Variants in ITSN2 observed in about 807,000 individuals in gnomAD.
ITSN2 encodes the protein intersectin-2.
A neutral mutation model predicts 243.7 loss-of-function variants in ITSN2; 156 were observed. That is an observed-to-expected ratio of 0.64 (90% CI 0.56 to 0.73). The LOEUF is 0.73. Among genes scored for constraint, ITSN2 ranks in the 30% least tolerant of loss-of-function variants. The pLI is 0.00. For synonymous variants in ITSN2, 703 were observed against 699.9 expected (o/e 1.00, Z -0.07); for missense variants, 1,801 against 1,996.1 (o/e 0.90, Z 1.86).
intron 17 of ITSN2, among the ~76,000 whole-genome samples, chr2:24,278,609 T>A (rs1678332728): frequency 6.9e-6 from 1 of 145,570 alleles, no homozygotes; most frequent in East Asian, 2.1e-4. Context: ...AAGAAAAAAA[T>A]AAACCAATCA....
intron 1 of ITSN2, among the ~76,000 whole-genome samples, chr2:24,345,030 TCAC>T (rs1344163028): frequency 6.6e-6 from 1 of 152,210 alleles, no homozygotes; most frequent in East Asian, 1.9e-4. Flanking sequence ...CTAAATATTA[TCAC>T]CTCAACATAT....
At chr2:24,262,139 T>G (rs1368801162) in intron 20 of ITSN2, among the ~76,000 whole-genome samples, 1 of 152,208 alleles carries the variant, frequency 6.6e-6, no homozygotes, top group African/African-American at 2.4e-5. Context: ...TTTTCAATTT[T>G]AGACATTACT....
intron 2 of ITSN2, among the ~76,000 whole-genome samples, chr2:24,316,350 G>A (rs1053432771): frequency 9.2e-5 from 14 of 152,070 alleles, no homozygotes; most frequent in Non-Finnish European, 1.6e-4. Context: ...GAGTGATCTC[G>A]GCTCACTGCA....
intron 4 of ITSN2, 134 bp from the exon 5 acceptor site, chr2:24,312,509 A>G: frequency 1.9e-6 from 1 of 513,406 alleles, no homozygotes; most frequent in Non-Finnish European, 3.4e-6. Flanking sequence ...TAAAATATCT[A>G]ACATGTAAAA....
intron 1 of ITSN2, among the ~76,000 whole-genome samples, chr2:24,330,224 T>C (rs1020657267): frequency 2.6e-5 from 4 of 152,206 alleles, no homozygotes; most frequent in African/African-American, 9.7e-5. Flanking sequence ...GTCTAAAACT[T>C]ACAAATCATC....
chr2:24,291,727 A>T (rs1159606472), intron 15 of ITSN2, among the ~76,000 whole-genome samples: 1 of 152,062 alleles, frequency 6.6e-6, no homozygotes, highest in East Asian at 1.9e-4. Flanking sequence ...TGACCTCGTG[A>T]TCCGCCTGCC....
intron 34 of ITSN2, 59 bp from the exon 35 acceptor site, chr2:24,210,092 G>A: frequency 7.9e-7 from 1 of 1,273,674 alleles, no homozygotes; most frequent in Non-Finnish European, 1.1e-6. Flanking sequence ...CAGTGCCCCT[G>A]AGAGGCCAGT....
At chr2:24,243,722 T>A (rs940941801) in intron 29 of ITSN2, among the ~76,000 whole-genome samples, 3 of 152,168 alleles carry the variant, frequency 2.0e-5, no homozygotes, top group African/African-American at 4.8e-5. Context: ...GGATTATAGG[T>A]GTGCGCCACT....
rs1297597119 is a variant in ITSN2, at chr2:24,252,375, T to C, written c.3090A>G (p.Pro1030=). The C allele has an allele frequency of 2.5e-6, 4 of 1,612,666 alleles. No individual in the cohort carries two copies. Among genetic ancestry groups the C allele is most frequent in the Non-Finnish European group, 3.4e-6 (4 of 1,178,980 alleles). Residue 1030 remains proline, a synonymous_variant, in exon 25 of 40, where the codon CCA becomes CCG. Transcript: ENST00000355123. ...GSIGDRSGIF[P]SNYVKPKDQE... is the part of the protein sequence containing the mutation. Reference sequence around the variant, plus strand: ...GATCCTTTGGTTTGACATAGTTTGATGGAAAAATTCCACTTCTATCTCCAA... The same window carrying C: ...GATCCTTTGGTTTGACATAGTTTGACGGAAAAATTCCACTTCTATCTCCAA...
At chr2:24,336,241 C>CA (rs756236002) in intron 1 of ITSN2, among the ~76,000 whole-genome samples, 1,020 of 46,528 alleles carry the variant, frequency 0.022, 8 homozygotes, top group African/African-American at 0.041. Flanking sequence ...GACTCTGTCT[C>CA]AAAAAAAAAA....
intron 18 of ITSN2, among the ~76,000 whole-genome samples, chr2:24,272,336 T>C (rs1558529794): frequency 6.6e-6 from 1 of 152,218 alleles, no homozygotes; most frequent in Non-Finnish European, 1.5e-5. Flanking sequence ...CTTCCAGCTG[T>C]TATTCCCACT....
intron 37 of ITSN2, chr2:24,205,650 T>C (rs1668788599): frequency 3.8e-6 from 1 of 262,222 alleles, no homozygotes; most frequent in East Asian, 7.8e-5. Flanking sequence ...GTGTAATGTC[T>C]GTCTCCTCTG....
intron 1 of ITSN2, among the ~76,000 whole-genome samples, chr2:24,337,275 ATGTATGTATGTGTG>A (rs1217191283): frequency 7.7e-4 from 2 of 2,592 alleles, no homozygotes; most frequent in South Asian, 0.016. Flanking sequence ...GTGTGTCTAT[ATGTATGTATGTGTG>A]TGTGTGTGTG....
In ITSN2 at chr2:24,204,621, G is replaced by GTGCATGCAGGTAAAACGAAGCGACT; in HGVS notation, c.4763-204_4763-203insAGTCGCTTCGTTTTACCTGCATGCA. Reference sequence around the variant, plus strand: ...CAGTGCTGACAGCAGCATTAACTGGGGAGTGGCCGAGAGCTCCACCGCCAG... The same window carrying GTGCATGCAGGTAAAACGAAGCGACT: ...CAGTGCTGACAGCAGCATTAACTGGGTGCATGCAGGTAAAACGAAGCGACTGAGTGGCCGAGAGCTCCACCGCCAG... On this transcript the variant is annotated intron_variant, in intron 38 of 39. Coordinates refer to ENST00000355123, the MANE Select transcript of ITSN2 (RefSeq NM_006277.3). This position sits in a 1 kb window ranked among gnomAD's most constrained non-coding sequence, Gnocchi z 5.1. The GTGCATGCAGGTAAAACGAAGCGACT allele has an allele frequency of 1.5e-6, 1 of 662,512 alleles. No homozygotes were observed. Among genetic ancestry groups the GTGCATGCAGGTAAAACGAAGCGACT allele is most frequent in the Non-Finnish European group, 2.8e-6 (1 of 360,004 alleles). The allele number at this position is 662,512 out of a possible 1,614,324, so 41.0% of individuals were successfully genotyped here.
Position 24,212,691 on chromosome 2 carries a change from G to A in ITSN2, c.4048C>T (p.Pro1350Ser), listed in dbSNP as rs1669608941. ...GMPLSSFLLK[P>S]MQRITRYPLL... ...GGGTAGCGGGTGATCCTCTGCATGG[G>A]TTTCAGCAGGAAGCTGGAGAGGGGC... Residue 1350 changes from proline to serine, a missense_variant, in exon 33 of 40, where the codon CCC (proline) becomes TCC (serine). Transcript: ENST00000355123. 6 of 1,613,540 alleles carry A rather than the reference G, an allele frequency of 3.7e-6. 1 individual carries two copies. In the Admixed American group the frequency reaches 5.0e-5, roughly 13 times the overall value.
chr2:24,343,022 T>C (rs1481596988), intron 1 of ITSN2, among the ~76,000 whole-genome samples: 1 of 148,552 alleles, frequency 6.7e-6, no homozygotes, highest in African/African-American at 2.5e-5. Context: ...GTCTGTAAGA[T>C]GGGGGTTGCA....
intron 1 of ITSN2, among the ~76,000 whole-genome samples, chr2:24,347,842 G>A (rs1687687552): frequency 6.6e-6 from 1 of 152,010 alleles, no homozygotes; most frequent in Admixed American, 6.6e-5. Context: ...GGAGGCCAAC[G>A]CGGGAGAATC....
At chr2:24,302,612 G>A (rs1227656923) in intron 9 of ITSN2, among the ~76,000 whole-genome samples, 2 of 152,186 alleles carry the variant, frequency 1.3e-5, no homozygotes, top group African/African-American at 4.8e-5. Context: ...AAGTATGTAA[G>A]TATGTACTTC....
intron 14 of ITSN2, 76 bp downstream of exon 14, chr2:24,295,588 C>T (rs1466885377): frequency 2.5e-6 from 3 of 1,179,582 alleles, no homozygotes; most frequent in South Asian, 2.2e-5. Context: ...GCATTACAGC[C>T]GTGAGCCACC....
Sources: allele counts gnomAD v4.1 joint callset (sites outside exome capture counted in the v4.1 genomes callset), GRCh38; gene constraint gnomAD v4.1.1; non-coding constraint Gnocchi (gnomAD v3.1); transcripts MANE v1.5; gene names NCBI Gene and HGNC (gene_info 2026-07-23, HGNC 2026-07-21).